The following CD46 variants were observed in gnomAD, a reference collection of about 807,000 sequenced individuals.
The protein encoded by CD46 is CD46 molecule.
Under a neutral mutation model 53.3 loss-of-function variants are expected in CD46, and 30 were observed. That is an observed-to-expected ratio of 0.56 (90% CI 0.42 to 0.76). The LOEUF (loss-of-function observed/expected upper bound fraction) is 0.76, where lower values mean the gene tolerates loss of function less well. Among genes scored for constraint, CD46 ranks in the 30% least tolerant of loss-of-function variants. CD46 has a pLI of 0.00. For missense variants in CD46, 409 were observed against 463.0 expected, an observed-to-expected ratio of 0.88 and a Z score of 1.07; for synonymous variants, 142 against 152.0, an observed-to-expected ratio of 0.93 and a Z score of 0.48.
intron 3 of CD46, 128 bp from the exon 4 acceptor site, chr1:207,759,511 G>A (rs1655945178): frequency 1.6e-6 from 1 of 634,286 alleles, no homozygotes; most frequent in African/African-American, 1.8e-5. Context: ...TATATAGTAT[G>A]TTGTTTAAGA....
chr1:207,774,560 T>A (rs1657888579), intron 8 of CD46, among the ~76,000 whole-genome samples: 1 of 152,226 alleles, frequency 6.6e-6, no homozygotes, highest in African/African-American at 2.4e-5. Context: ...CTTCAGGAGC[T>A]CTTGTAAGGC....
chr1:207,768,022 C>A, intron 7 of CD46, 199 bp downstream of exon 7: 1 of 571,750 alleles, frequency 1.7e-6, no homozygotes, highest in African/African-American at 1.9e-5. Flanking sequence ...AGGAATATGA[C>A]CTTGGGAAAG....
At position 207,794,009 on chromosome 1, in the gene CD46, A is replaced by G. The variant is rs1388710786; in HGVS notation, c.*532A>G. ...TTTCACCAACTATAGAATGTATTTT[A>G]TATATCGTTCATTGTAAAAAGCCCT... On this transcript the variant is annotated 3_prime_UTR_variant, in exon 13 of 13. Transcript: ENST00000367042. 1 of 181,148 alleles carries G rather than the reference A, an allele frequency of 5.5e-6. No individual in the cohort carries two copies. The highest frequency in any genetic ancestry group is 5.5e-5 in the Admixed American group (1 of 18,094). 11.2% of individuals were successfully genotyped at this position (181,148 alleles called of 1,614,324 possible).
rs912617240 is a variant in CD46, at chr1:207,752,157, G to C, written c.-56G>C. Reference sequence around the variant, plus strand: ...CCAGAAGGGACTTCCCTGCTCGGCTGGCTCTCGGTTTCTCTGCTTTCCTCC... The same window carrying C: ...CCAGAAGGGACTTCCCTGCTCGGCTCGCTCTCGGTTTCTCTGCTTTCCTCC... On this transcript the variant is annotated 5_prime_UTR_variant, in exon 1 of 13. Coordinates refer to ENST00000367042, the MANE Select transcript of CD46 (RefSeq NM_172351.3). The surrounding 1 kb of genome is among the most constrained non-coding windows in gnomAD (Gnocchi z 4.1). The C allele has an allele frequency of 6.6e-7, 1 of 1,522,320 alleles. No homozygotes were observed. Among genetic ancestry groups the C allele is most frequent in the African/African-American group, 1.4e-5 (1 of 73,256 alleles). The allele number at this position is 1,522,320 out of a possible 1,614,324, so 94.3% of individuals were successfully genotyped here.
chr1:207,768,557 T>G (rs373221587), intron 7 of CD46: 33 of 152,354 alleles, frequency 2.2e-4, no homozygotes, highest in African/African-American at 7.2e-4. Flanking sequence ...GGCAGTTTTA[T>G]CTGGCAATAG....
At position 207,767,593 on chromosome 1, in the gene CD46, A is replaced by AT; in HGVS notation, c.857-182dup. On this transcript the variant is annotated intron_variant, in intron 6 of 12. Coordinates refer to ENST00000367042, the MANE Select transcript of CD46 (RefSeq NM_172351.3). ...CCCAAGTGGTTGATCTTCTAACATT[A>AT]TTTTGTTTCCTAGTGCTGCCTCCAT... 1 of 1,606,848 alleles carries AT rather than the reference A, an allele frequency of 6.2e-7. No individual in the cohort carries two copies. The highest frequency in any genetic ancestry group is 1.7e-5 in the Admixed American group (1 of 60,014).
intron 8 of CD46, among the ~76,000 whole-genome samples, chr1:207,771,612 T>A (rs1254115534): frequency 1.3e-5 from 2 of 152,234 alleles, no homozygotes; most frequent in Non-Finnish European, 2.9e-5. Flanking sequence ...GCTTTCTACA[T>A]ACGGCTAGTC....
intron 9 of CD46, 168 bp downstream of exon 9, chr1:207,783,498 A>C: frequency 5.8e-6 from 3 of 519,534 alleles, no homozygotes; most frequent in Non-Finnish European, 1.1e-5. Flanking sequence ...TTTTCTTTCC[A>C]CATTATATTG....
At chr1:207,782,823 T>G (rs955447677) in intron 8 of CD46, among the ~76,000 whole-genome samples, 5 of 150,004 alleles carry the variant, frequency 3.3e-5, no homozygotes, top group African/African-American at 1.2e-4. Context: ...AATTTTTGTT[T>G]TTTTTTTTTT....
At chr1:207,772,925 A>G (rs767160332) in intron 8 of CD46, among the ~76,000 whole-genome samples, 1 of 152,266 alleles carries the variant, frequency 6.6e-6, no homozygotes, top group Non-Finnish European at 1.5e-5. Context: ...AAAATGAATT[A>G]GGGAGGATTC....
At chr1:207,783,194 G>C (rs566784033) in intron 8 of CD46, 98 bp from the exon 9 acceptor site, 4 of 636,944 alleles carry the variant, frequency 6.3e-6, no homozygotes, top group Admixed American at 2.6e-5. Flanking sequence ...CTACAAAGGT[G>C]AAAAAAAATC....
Position 207,752,105 on chromosome 1 carries a change from G to T in CD46, c.-108G>T. On this transcript the variant is annotated 5_prime_UTR_variant, in exon 1 of 13. Coordinates refer to ENST00000367042, the MANE Select transcript of CD46 (RefSeq NM_172351.3). The surrounding 1 kb of genome is among the most constrained non-coding windows in gnomAD (Gnocchi z 4.1). ...TGCAGCACTGGATGCTTTGTGAGTT[G>T]GGGATTGTTGCGTCCCATATCTGGA... is the stretch of plus-strand genomic sequence containing the variant. 1.9e-6 allele frequency: 2 copies of T among 1,036,408 alleles called. No individual in the cohort carries two copies. The highest frequency in any genetic ancestry group is 3.0e-6 in the Non-Finnish European group (2 of 665,192). 64.2% of individuals were successfully genotyped at this position (1,036,408 alleles called of 1,614,324 possible).
In CD46 at chr1:207,783,889, T is replaced by C. The variant is rs375356779; in HGVS notation, c.982+559T>C. Among the ~76,000 whole-genome samples, 46 of 152,310 alleles carry C rather than the reference T, an allele frequency of 3.0e-4. No individual in the cohort carries two copies. The East Asian group carries it at 8.9e-3, about 29-fold the overall frequency. On this transcript the variant is annotated intron_variant, in intron 9 of 12. Coordinates refer to ENST00000367042, the MANE Select transcript of CD46 (RefSeq NM_172351.3). ...TAAACTGTTAAACACTTGATAACTG[T>C]TTATGAGATGAGAAGAGCAGAGTTG...
Position 207,795,236 on chromosome 1 carries a change from A to C in CD46, c.*1759A>C, listed in dbSNP as rs898051583. The C allele has an allele frequency of 6.6e-6, 1 of 152,186 alleles. No individual in the cohort carries two copies. Among genetic ancestry groups the C allele is most frequent in the Non-Finnish European group, 1.5e-5 (1 of 68,044 alleles). 9.4% of individuals were successfully genotyped at this position (152,186 alleles called of 1,614,324 possible). On this transcript the variant is annotated 3_prime_UTR_variant, in exon 13 of 13. Transcript: ENST00000367042. The stretch of plus-strand genomic sequence containing the variant: ...ATACTTGTATAGCAGTTTCTGCTTC[A>C]CATTTGATTTTTTCAAATTTAATAT...
intron 8 of CD46, among the ~76,000 whole-genome samples, chr1:207,776,538 T>C (rs960176801): frequency 1.3e-5 from 2 of 152,256 alleles, no homozygotes; most frequent in African/African-American, 4.8e-5. Context: ...ACTTAAGACA[T>C]ATCTAAAAAA....
At chr1:207,788,761 T>C (rs1007436522) in intron 11 of CD46, among the ~76,000 whole-genome samples, 2 of 152,244 alleles carry the variant, frequency 1.3e-5, no homozygotes, top group African/African-American at 4.8e-5. Flanking sequence ...CTGGTATTTA[T>C]GGTGATTTGG....
At chr1:207,778,103 T>C (rs923116958) in intron 8 of CD46, among the ~76,000 whole-genome samples, 4 of 152,204 alleles carry the variant, frequency 2.6e-5, no homozygotes, top group Admixed American at 2.6e-4. Flanking sequence ...GAAAAGTGTC[T>C]GTTCACGTGC....
intron 5 of CD46, among the ~76,000 whole-genome samples, chr1:207,764,771 T>A (rs1190881363): frequency 6.6e-6 from 1 of 152,218 alleles, no homozygotes; most frequent in Non-Finnish European, 1.5e-5. Flanking sequence ...AAGATATGGA[T>A]AACCTGAATA....
At chr1:207,756,326 ACACT>A (rs1446705277) in intron 1 of CD46, among the ~76,000 whole-genome samples, 2 of 152,242 alleles carry the variant, frequency 1.3e-5, no homozygotes, top group Non-Finnish European at 2.9e-5. Flanking sequence ...TCAGGAGTAA[ACACT>A]CACCATCATA....
Sources: gnomAD v4.1 joint callset for allele counts (sites outside exome capture counted in the v4.1 genomes callset) on GRCh38, gnomAD v4.1.1 for gene constraint, Gnocchi (gnomAD v3.1) non-coding constraint, MANE v1.5 for transcripts, NCBI Gene and HGNC (gene_info 2026-07-23, HGNC 2026-07-21) for gene names.